Variants in DMD observed in about 807,000 individuals in gnomAD.
DMD encodes dystrophin, also known as mutant dystrophin.
A neutral mutation model predicts 330.1 loss-of-function variants in DMD; 63 were observed. That is an observed-to-expected ratio of 0.19 (90% CI 0.16 to 0.24). DMD has a LOEUF of 0.24. Among genes scored for constraint, DMD ranks in the 10% least tolerant of loss-of-function variants. The pLI is 1.00. For synonymous variants in DMD, 1,223 were observed against 959.8 expected, an observed-to-expected ratio of 1.27 and a Z score of -5.07; for missense variants, 3,344 against 2,684.1, an observed-to-expected ratio of 1.25 and a Z score of -5.43.
intron 17 of DMD, among the ~76,000 whole-genome samples, chrX:32,525,517 T>C (rs1330297783): frequency 9.0e-6 from 1 of 111,729 alleles, no homozygotes; most frequent in Non-Finnish European, 1.9e-5. Context: ...GAACTCAGTC[T>C]CCTTCCCGGA....
chrX:32,574,985 C>A (rs1267013156), intron 13 of DMD, among the ~76,000 whole-genome samples: 3 of 110,200 alleles, frequency 2.7e-5, no homozygotes, highest in Non-Finnish European at 3.8e-5. Context: ...GCAACCTCCA[C>A]CTCCTGGATT....
intron 30 of DMD, among the ~76,000 whole-genome samples, chrX:32,405,766 TA>T (rs1319313919): frequency 9.0e-6 from 1 of 111,585 alleles, no homozygotes; most frequent in Non-Finnish European, 1.9e-5. Context: ...AACTTTAAAG[TA>T]GTTTTTTCCA....
intron 1 of DMD, among the ~76,000 whole-genome samples, chrX:33,332,949 C>T (rs999500308): frequency 1.8e-5 from 2 of 110,880 alleles, no homozygotes; most frequent in South Asian, 7.6e-4. Context: ...TTTCATAATT[C>T]CCTGAGAAGC....
At chrX:33,286,387 T>C (rs1386242560) in intron 1 of DMD, among the ~76,000 whole-genome samples, 1 of 112,011 alleles carries the variant, frequency 8.9e-6, no homozygotes, top group Non-Finnish European at 1.9e-5. Flanking sequence ...CAGAGACTTA[T>C]ACAATGAGTA....
chrX:31,131,430 G>A (rs1296246645), intron 77 of DMD, among the ~76,000 whole-genome samples: 1 of 111,738 alleles, frequency 8.9e-6, no homozygotes, highest in African/African-American at 3.3e-5. Flanking sequence ...TATGGTGGGT[G>A]TATATATACA....
chrX:32,697,205 G>T (rs1167732466), intron 9 of DMD, among the ~76,000 whole-genome samples: 1 of 111,535 alleles, frequency 9.0e-6, no homozygotes, highest in African/African-American at 3.3e-5. Context: ...GCTATTTCTT[G>T]TATATTGGGT....
At position 31,422,333 on chromosome X, in the gene DMD, T is replaced by C. The variant is rs141050912; in HGVS notation, c.9084+22148A>G. On this transcript the variant is annotated intron_variant, in intron 60 of 78. Coordinates refer to ENST00000357033, the MANE Select transcript of DMD (RefSeq NM_004006.3). ...CCAGATTGCAGGTATCTTTAACAGG[T>C]TGGAGTGTTACCTGAATTTTCATCA... Among the ~76,000 whole-genome samples the C allele has an allele frequency of 9.1e-3, 1,009 of 110,904 alleles. 2 individuals carry two copies. The highest frequency in any genetic ancestry group is 0.023 in the South Asian group (61 of 2,619).
At chrX:32,863,410 G>T (rs2082220198) in intron 2 of DMD, among the ~76,000 whole-genome samples, 1 of 107,188 alleles carries the variant, frequency 9.3e-6, no homozygotes, top group Non-Finnish European at 1.9e-5. Context: ...CCAGCTACTT[G>T]GGAGGCTAAG....
chrX:32,720,417 T>G (rs912373636), intron 7 of DMD, among the ~76,000 whole-genome samples: 2 of 111,484 alleles, frequency 1.8e-5, no homozygotes, highest in Non-Finnish European at 3.8e-5. Context: ...GTTTTTTTAC[T>G]TAGCTCACAT....
chrX:32,407,439 G>C (rs1260899705), intron 30 of DMD, among the ~76,000 whole-genome samples: 1 of 111,560 alleles, frequency 9.0e-6, no homozygotes, highest in Non-Finnish European at 1.9e-5. Flanking sequence ...TCTCACACCA[G>C]TTAGAATGGC....
chrX:32,314,695 G>GA (rs1218871202), intron 41 of DMD, among the ~76,000 whole-genome samples: 3 of 110,223 alleles, frequency 2.7e-5, no homozygotes, highest in Admixed American at 9.7e-5. Flanking sequence ...AAATTTACAA[G>GA]AAAAAAAAGA....
intron 1 of DMD, among the ~76,000 whole-genome samples, chrX:33,243,539 C>T (rs927821247): frequency 9.0e-6 from 1 of 111,704 alleles, no homozygotes; most frequent in Non-Finnish European, 1.9e-5. Context: ...ATAGTATTCT[C>T]ACAACTGGGT....
intron 12 of DMD, among the ~76,000 whole-genome samples, chrX:32,604,654 C>T (rs2056525426): frequency 9.1e-6 from 1 of 109,965 alleles, no homozygotes; most frequent in Admixed American, 9.7e-5. Flanking sequence ...TCTAGAAAAC[C>T]CTTAAGACTC....
chrX:32,940,556 C>T (rs2090337896), intron 2 of DMD, among the ~76,000 whole-genome samples: 1 of 111,284 alleles, frequency 9.0e-6, no homozygotes, highest in Non-Finnish European at 1.9e-5. Context: ...CAAAAATAAG[C>T]AATGGGAAAG....
At position 31,724,537 on chromosome X, in the gene DMD, G is replaced by T. The variant is rs138378285; in HGVS notation, c.7660+5094C>A. ...TAAATTTCTCTAAGAATTCTGGACTGGGTTGAAAAATCCTTAGCTGAAAAA... is the reference window on the plus strand; with the variant it reads ...TAAATTTCTCTAAGAATTCTGGACTTGGTTGAAAAATCCTTAGCTGAAAAA... On this transcript the variant is annotated intron_variant, in intron 52 of 78. Coordinates refer to ENST00000357033, the MANE Select transcript of DMD (RefSeq NM_004006.3). Among the ~76,000 whole-genome samples, 862 of 111,426 alleles carry T rather than the reference G, an allele frequency of 7.7e-3. 4 individuals are homozygous for T. Among genetic ancestry groups the T allele is most frequent in the African/African-American group, 0.027 (819 of 30,682 alleles).
intron 2 of DMD, among the ~76,000 whole-genome samples, chrX:32,975,343 ATGCTT>A (rs2092512396): frequency 5.1e-5 from 5 of 97,344 alleles, no homozygotes; most frequent in African/African-American, 2.1e-4. Flanking sequence ...ACTTTAAAAA[ATGCTT>A]TTTTTTTTTT....
intron 7 of DMD, among the ~76,000 whole-genome samples, chrX:32,739,999 G>C (rs1447136332): frequency 5.5e-5 from 6 of 109,880 alleles, no homozygotes; most frequent in African/African-American, 2.0e-4. Context: ...TTTTATTCCA[G>C]GCTCCTGATA....
chrX:32,350,339 C>G (rs959345079), intron 37 of DMD, among the ~76,000 whole-genome samples: 1 of 111,232 alleles, frequency 9.0e-6, no homozygotes, highest in African/African-American at 3.3e-5. Context: ...TCTCCAATAG[C>G]CAGCTGAATT....
chrX:31,390,582 T>C (rs1271270037), intron 60 of DMD, among the ~76,000 whole-genome samples: 1 of 111,192 alleles, frequency 9.0e-6, no homozygotes, highest in African/African-American at 3.3e-5. Context: ...TTGGGAGTCA[T>C]CCTCAATCCC....
Sources: gnomAD v4.1 joint callset for allele counts (sites outside exome capture counted in the v4.1 genomes callset) on GRCh38, gnomAD v4.1.1 for gene constraint, MANE v1.5 for transcripts, NCBI Gene and HGNC (gene_info 2026-07-23, HGNC 2026-07-21) for gene names.